Variants in RUFY3 observed in about 807,000 individuals in gnomAD.
RUFY3 encodes the protein protein RUFY3.
Under a neutral mutation model 84.0 loss-of-function variants are expected in RUFY3, and 34 were observed. The observed-to-expected ratio is 0.40, with a 90% CI of 0.31 to 0.54. The LOEUF (loss-of-function observed/expected upper bound fraction) is 0.54. Among genes scored for constraint, RUFY3 ranks in the 20% least tolerant of loss-of-function variants. The probability of loss-of-function intolerance (pLI) is 0.39; values close to 1 mark genes in which losing one functional copy is unlikely to be tolerated. For missense variants in RUFY3, 507 were observed against 736.8 expected, an observed-to-expected ratio of 0.69 and a Z score of 3.61; for synonymous variants, 242 against 252.9, an observed-to-expected ratio of 0.96 and a Z score of 0.41.
intron 1 of RUFY3, among the ~76,000 whole-genome samples, chr4:70,712,646 A>G (rs907404092): frequency 3.3e-5 from 5 of 152,230 alleles, no homozygotes; most frequent in East Asian, 3.8e-4. Context: ...AGTATGGGCT[A>G]TAGATAGTAA....
chr4:70,793,791 C>T lies in RUFY3; in HGVS notation c.1344C>T (p.Arg448=). 6.2e-7 allele frequency: 1 copy of T among 1,614,002 alleles called. No individual in the cohort carries two copies. The highest frequency in any genetic ancestry group is 8.5e-7 in the Non-Finnish European group (1 of 1,179,978). The change falls in exon 13 of 18, where the codon CGC becomes CGT. Residue 448 remains arginine, a synonymous_variant. Transcript: ENST00000381006. ...TCATGTGGCTCACATCCAGATTGCG[C>T]CAGGCTGAGCGAAGCCGCCAATCTG... is the stretch of plus-strand genomic sequence containing the variant. ...ATIKQLEQRL[R]QAERSRQSAE... is the part of the protein sequence containing the mutation.
chr4:70,804,376 A>C lies in RUFY3; in HGVS notation c.1679A>C (p.Gln560Pro). 6.2e-7 allele frequency: 1 copy of C among 1,614,086 alleles called. No individual in the cohort carries two copies. Among genetic ancestry groups the C allele is most frequent in the Non-Finnish European group, 8.5e-7 (1 of 1,179,974 alleles). The part of the protein sequence containing the change: ...QDQLLLSEKP[Q>P]LCQLCQEDGS... ...CAGCTGCTGCTCTCTGAAAAGCCAC[A>C]GTTGTGTCAGCTATGCCAGGAAGAC... Residue 560 changes from glutamine (Q) to proline (P), a missense_variant, in exon 17 of 18, where the codon CAG becomes CCG. Gln to Pro is a moderately conservative substitution (Grantham distance 76). Coordinates refer to ENST00000381006, the MANE Select transcript of RUFY3 (RefSeq NM_001037442.4).
At chr4:70,739,586 C>A (rs1578027659) in intron 1 of RUFY3, among the ~76,000 whole-genome samples, 1 of 151,954 alleles carries the variant, frequency 6.6e-6, no homozygotes, top group Non-Finnish European at 1.5e-5. Context: ...AAAATAACCC[C>A]CAGGCCTTGT....
At position 70,722,182 on chromosome 4, in the gene RUFY3, C is replaced by G; in HGVS notation, c.-392C>G. On this transcript the variant is annotated 5_prime_UTR_variant, in exon 1 of 18. Coordinates refer to ENST00000381006, the MANE Select transcript of RUFY3 (RefSeq NM_001037442.4). ...AAAGGAGGAGGATTTTTCACTTACT[C>G]ATATCGAGGCCAGATTTTTAAAGCC... 1 of 1,229,674 alleles carries G rather than the reference C, an allele frequency of 8.1e-7. No individual in the cohort carries two copies. Among genetic ancestry groups the G allele is most frequent in the Non-Finnish European group, 1.0e-6 (1 of 987,360 alleles). 76.2% of individuals were successfully genotyped at this position (1,229,674 alleles called of 1,614,324 possible). A position where few individuals can be genotyped will look rare whatever the true frequency, so the allele number is the denominator to read the frequency against.
At chr4:70,727,659 T>C (rs1396909310) in intron 1 of RUFY3, among the ~76,000 whole-genome samples, 1 of 150,730 alleles carries the variant, frequency 6.6e-6, no homozygotes. Context: ...TGGTGGCGGG[T>C]GCCTGTAATC....
At chr4:70,731,113 C>CT (rs1426266673) in intron 1 of RUFY3, among the ~76,000 whole-genome samples, 2 of 151,576 alleles carry the variant, frequency 1.3e-5, no homozygotes, top group Non-Finnish European at 2.9e-5. Context: ...TTTCGGCTCA[C>CT]TGCAACCTCC....
At chr4:70,795,328 T>C (rs1731365806) in intron 14 of RUFY3, among the ~76,000 whole-genome samples, 1 of 152,148 alleles carries the variant, frequency 6.6e-6, no homozygotes, top group Non-Finnish European at 1.5e-5. Context: ...ATCATGAGGA[T>C]TTCATTTTGA....
At chr4:70,739,945 C>T (rs1241182565) in intron 1 of RUFY3, among the ~76,000 whole-genome samples, 1 of 145,698 alleles carries the variant, frequency 6.9e-6, no homozygotes, top group Non-Finnish European at 1.5e-5. Flanking sequence ...GAGCTGAGAT[C>T]GTGCCACTGC....
At chr4:70,791,547 A>T in intron 12 of RUFY3, 1 of 1,316,822 alleles carries the variant, frequency 7.6e-7, no homozygotes, top group Non-Finnish European at 9.7e-7. Context: ...TTGAGAAATT[A>T]TTTCTGAGTT....
exon 1 of RUFY3, chr4:70,704,965 C>T: frequency 8.1e-7 from 1 of 1,228,540 alleles, no homozygotes; most frequent in East Asian, 3.3e-5. Context: ...CCGCCCACCG[C>T]TGGTGCCGAA....
At chr4:70,796,503 T>C (rs747961887) in intron 14 of RUFY3, among the ~76,000 whole-genome samples, 2 of 152,234 alleles carry the variant, frequency 1.3e-5, no homozygotes, top group Non-Finnish European at 2.9e-5. Flanking sequence ...AGCTATACTT[T>C]TGTCTGCAGC....
At chr4:70,771,798 G>A (rs1404532389) in intron 5 of RUFY3, among the ~76,000 whole-genome samples, 2 of 152,096 alleles carry the variant, frequency 1.3e-5, no homozygotes, top group Non-Finnish European at 2.9e-5. Flanking sequence ...CCAAAGTGCT[G>A]GGATTACAGG....
chr4:70,806,788 A>G lies in RUFY3; in HGVS notation c.*129A>G, dbSNP rs1214930128. The G allele has an allele frequency of 1.7e-6, 2 of 1,148,610 alleles. No homozygotes were observed. The highest frequency in any genetic ancestry group is 2.4e-6 in the Non-Finnish European group (2 of 819,896). The allele number at this position is 1,148,610 out of a possible 1,614,324, so 71.2% of individuals were successfully genotyped here. ...GAGTTGATAGGAATTTACTAGGTCC[A>G]GGGAGAAAAGGCAGTGGTTGGGGTT... On this transcript the variant is annotated 3_prime_UTR_variant, in exon 18 of 18. Transcript: ENST00000381006.
chr4:70,728,361 G>A (rs1033654952), intron 1 of RUFY3, among the ~76,000 whole-genome samples: 2 of 152,212 alleles, frequency 1.3e-5, no homozygotes, highest in African/African-American at 4.8e-5. Context: ...GCGCAGCATC[G>A]TGAGAGAGGA....
In RUFY3 at chr4:70,807,371, T is replaced by A. The variant is rs1732948230; in HGVS notation, c.*712T>A. The A allele has an allele frequency of 1.3e-5, 2 of 152,180 alleles. No individual in the cohort carries two copies. Among genetic ancestry groups the A allele is most frequent in the Non-Finnish European group, 2.9e-5 (2 of 68,034 alleles). The allele number at this position is 152,180 out of a possible 1,614,324, so 9.4% of individuals were successfully genotyped here. On this transcript the variant is annotated 3_prime_UTR_variant, in exon 18 of 18. Coordinates refer to ENST00000381006, the MANE Select transcript of RUFY3 (RefSeq NM_001037442.4). ...AAGTAAATAACTGCCCTTTTCAGAA[T>A]CTCCTTCCACAAAACAAGCCAACTC...
At chr4:70,715,972 G>A (rs978326808) in intron 1 of RUFY3, among the ~76,000 whole-genome samples, 3 of 152,000 alleles carry the variant, frequency 2.0e-5, no homozygotes, top group Admixed American at 2.0e-4. Context: ...AATTAGCCAG[G>A]CATGAATGGC....
chr4:70,728,297 CGTGTGGCTGACTAGGATG>C (rs1364134073), intron 1 of RUFY3, among the ~76,000 whole-genome samples: 6 of 152,210 alleles, frequency 3.9e-5, no homozygotes, highest in African/African-American at 1.2e-4. Context: ...TGTGGCTGAT[CGTGTGGCTGACTAGGATG>C]GTGTGGCTGA....
chr4:70,769,462 A>G (rs550960667), intron 5 of RUFY3, among the ~76,000 whole-genome samples: 103 of 152,376 alleles, frequency 6.8e-4, no homozygotes, highest in Middle Eastern at 3.4e-3. Flanking sequence ...AATGCTAACA[A>G]TCACCTGAGC....
At chr4:70,773,423 C>G (rs1727318367) in intron 5 of RUFY3, 88 bp from the exon 6 acceptor site, 4 of 836,128 alleles carry the variant, frequency 4.8e-6, no homozygotes, top group Non-Finnish European at 8.0e-6. Flanking sequence ...GACTGTATTA[C>G]TGTTTTGAGT....
Sources: allele counts gnomAD v4.1 joint callset (sites outside exome capture counted in the v4.1 genomes callset), GRCh38; gene constraint gnomAD v4.1.1; transcripts MANE v1.5; gene names NCBI Gene and HGNC (gene_info 2026-07-23, HGNC 2026-07-21).